TRPC5: variants seen among roughly 807,000 people sequenced by gnomAD.
TRPC5 encodes transient receptor potential cation channel subfamily C member 5.
In TRPC5, 9 loss-of-function variants were observed where a neutral mutation model predicts 56.5. The observed-to-expected ratio is 0.16, with a 90% confidence interval of 0.10 to 0.28. The LOEUF (loss-of-function observed/expected upper bound fraction) is 0.28. Among genes scored for constraint, TRPC5 ranks in the 10% least tolerant of loss-of-function variants. The pLI is 1.00. For synonymous variants in TRPC5, 282 were observed against 278.5 expected, an observed-to-expected ratio of 1.01 and a Z score of -0.13; for missense variants, 469 against 748.9, an observed-to-expected ratio of 0.63 and a Z score of 4.36.
chrX:112,081,319 T>A (rs1364442964), intron 1 of TRPC5, among the ~76,000 whole-genome samples: 1 of 111,725 alleles, frequency 9.0e-6, no homozygotes, highest in Non-Finnish European at 1.9e-5. Flanking sequence ...CCATTTGCAT[T>A]TCTTGGTTCC....
chrX:112,061,824 C>T (rs891511080), intron 1 of TRPC5, among the ~76,000 whole-genome samples: 1 of 111,438 alleles, frequency 9.0e-6, no homozygotes, highest in African/African-American at 3.3e-5. Context: ...GTGCTGGCTA[C>T]CTCTTTGCTC....
rs1945853854 is a variant in TRPC5, at chrX:111,773,235, G to A, written c.*3078C>T. Among the ~76,000 whole-genome samples, 1 of 111,814 alleles carries A rather than the reference G, an allele frequency of 8.9e-6. No homozygotes were observed. Among genetic ancestry groups the A allele is most frequent in the African/African-American group, 3.2e-5 (1 of 30,790 alleles). ...TTTTCCGAAAATGATTTTAAATTTA[G>A]TCTTTCCTCTGTATTTCACTGGACA... On this transcript the variant is annotated 3_prime_UTR_variant, in exon 11 of 11. Transcript: ENST00000262839.
chrX:111,933,406 A>G (rs1023771526), intron 2 of TRPC5, among the ~76,000 whole-genome samples: 1 of 111,200 alleles, frequency 9.0e-6, no homozygotes, highest in Non-Finnish European at 1.9e-5. Flanking sequence ...AGGACATGAC[A>G]TCATATGCAG....
rs992695859 is a variant in TRPC5, at chrX:111,832,531, T to G, written c.1896+2390A>C. Among the ~76,000 whole-genome samples the G allele has an allele frequency of 8.9e-5, 10 of 112,328 alleles. 1 individual carries two copies. The highest frequency in any genetic ancestry group is 1.7e-4 in the Non-Finnish European group (9 of 53,311). The stretch of plus-strand genomic sequence containing the variant: ...GAAGCAGAGATGTTGCAAATGAAAT[T>G]AAATCTACTTTCTGGCCCTTACCAC... On this transcript the variant is annotated intron_variant, in intron 7 of 10. Transcript: ENST00000262839.
At chrX:111,963,876 A>C (rs886435565) in intron 1 of TRPC5, among the ~76,000 whole-genome samples, 1 of 111,699 alleles carries the variant, frequency 9.0e-6, no homozygotes, top group African/African-American at 3.3e-5. Context: ...GATGGGGAAA[A>C]AACAGAGGAG....
At chrX:111,928,099 T>C (rs766812275) in intron 2 of TRPC5, among the ~76,000 whole-genome samples, 2 of 111,389 alleles carry the variant, frequency 1.8e-5, no homozygotes, top group Non-Finnish European at 3.8e-5. Flanking sequence ...TGTGACACAT[T>C]TCAAGAATAT....
At chrX:111,804,110 C>A (rs760072142) in intron 7 of TRPC5, among the ~76,000 whole-genome samples, 16 of 112,209 alleles carry the variant, frequency 1.4e-4, no homozygotes, top group African/African-American at 4.5e-4. Context: ...AATAGGGAAT[C>A]CTTTCCCCAT....
intron 1 of TRPC5, among the ~76,000 whole-genome samples, chrX:112,072,119 T>C (rs746862646): frequency 1.7e-4 from 19 of 112,121 alleles, no homozygotes; most frequent in African/African-American, 6.2e-4. Context: ...CACTCACTCT[T>C]AGTATGGTAA....
chrX:112,008,644 A>G (rs1438670919), intron 1 of TRPC5, among the ~76,000 whole-genome samples: 1 of 109,498 alleles, frequency 9.1e-6, no homozygotes, highest in Non-Finnish European at 1.9e-5. Flanking sequence ...TTTGAGACAG[A>G]GGAGAGAAAG....
chrX:112,063,540 A>T (rs1007679111), intron 1 of TRPC5, among the ~76,000 whole-genome samples: 9 of 111,870 alleles, frequency 8.0e-5, no homozygotes, highest in Admixed American at 7.6e-4. Flanking sequence ...TAGACAACTA[A>T]TAAAAATGTT....
At chrX:111,912,034 A>T in intron 3 of TRPC5, among the ~76,000 whole-genome samples, 1 of 111,296 alleles carries the variant, frequency 9.0e-6, no homozygotes, top group East Asian at 2.8e-4. Flanking sequence ...TATCGCAAAC[A>T]CTCCGAACAG....
At chrX:112,006,871 A>G (rs937742305) in intron 1 of TRPC5, among the ~76,000 whole-genome samples, 1 of 111,902 alleles carries the variant, frequency 8.9e-6, no homozygotes, top group African/African-American at 3.3e-5. Flanking sequence ...TGCAGGGCCC[A>G]GTGCAAAATG....
chrX:111,966,557 G>A (rs1372203013), intron 1 of TRPC5, among the ~76,000 whole-genome samples: 2 of 111,310 alleles, frequency 1.8e-5, no homozygotes, highest in Non-Finnish European at 1.9e-5. Flanking sequence ...TATCCTTGAT[G>A]AACATTGATG....
intron 2 of TRPC5, among the ~76,000 whole-genome samples, chrX:111,914,385 A>C (rs759858383): frequency 8.9e-6 from 1 of 111,798 alleles, no homozygotes; most frequent in South Asian, 3.8e-4. Context: ...AACTCCTTTA[A>C]AAAATAAAAC....
intron 2 of TRPC5, among the ~76,000 whole-genome samples, chrX:111,931,983 C>A (rs1926429268): frequency 8.9e-6 from 1 of 111,767 alleles, no homozygotes; most frequent in Non-Finnish European, 1.9e-5. Context: ...GTTTGGAGTC[C>A]ATCCAGGTGG....
chrX:111,927,138 A>G (rs896277200), intron 2 of TRPC5, among the ~76,000 whole-genome samples: 1 of 111,946 alleles, frequency 8.9e-6, no homozygotes, highest in African/African-American at 3.2e-5. Flanking sequence ...ATGATTTTTC[A>G]TTGTGGGGAG....
rs945533458 is a variant in TRPC5, at chrX:111,768,061, A to C, written c.*8252T>G. Among the ~76,000 whole-genome samples the C allele has an allele frequency of 8.9e-6, 1 of 112,281 alleles. No homozygotes were observed. The highest frequency in any genetic ancestry group is 3.2e-5 in the African/African-American group (1 of 30,995). On this transcript the variant is annotated 3_prime_UTR_variant, in exon 11 of 11. Coordinates refer to ENST00000262839, the MANE Select transcript of TRPC5 (RefSeq NM_012471.3). ...TATTTTGTTGATACTGAAGCTAAAA[A>C]TACACAAAATTATTTTATTGTACAA...
At chrX:111,875,779 T>C (rs1323518115) in intron 3 of TRPC5, among the ~76,000 whole-genome samples, 1 of 109,606 alleles carries the variant, frequency 9.1e-6, no homozygotes, top group Non-Finnish European at 1.9e-5. Context: ...TGGGCTTGGT[T>C]GATGCCTCTG....
intron 1 of TRPC5, among the ~76,000 whole-genome samples, chrX:112,014,365 A>C (rs1335172090): frequency 3.6e-5 from 4 of 112,358 alleles, no homozygotes; most frequent in African/African-American, 6.5e-5. Flanking sequence ...TTCTAGAATA[A>C]ATTTTGAAAA....
Sources: gnomAD v4.1 joint callset for allele counts (sites outside exome capture counted in the v4.1 genomes callset) on GRCh38, gnomAD v4.1.1 for gene constraint, MANE v1.5 for transcripts, NCBI Gene and HGNC (gene_info 2026-07-23, HGNC 2026-07-21) for gene names.